The following GPR176 variants were observed in gnomAD, a reference collection of about 807,000 sequenced individuals.
GPR176 encodes G-protein coupled receptor 176.
In GPR176, 26 loss-of-function variants were observed where a neutral mutation model predicts 35.4. That is an observed-to-expected ratio of 0.74 (90% CI 0.54 to 1.02). The LOEUF is 1.02. GPR176 is among the 50% of genes least tolerant of loss of function. The probability of loss-of-function intolerance (pLI) is 0.00; values close to 1 mark genes in which losing one functional copy is unlikely to be tolerated. For missense variants in GPR176, 597 were observed against 665.3 expected, an observed-to-expected ratio of 0.90 and a Z score of 1.13; for synonymous variants, 278 against 271.3, an observed-to-expected ratio of 1.02 and a Z score of -0.24.
chr15:39,840,128 C>CT (rs559454951), intron 1 of GPR176, among the ~76,000 whole-genome samples: 167 of 152,288 alleles, frequency 1.1e-3, no homozygotes, highest in African/African-American at 4.0e-3. Flanking sequence ...AATCCCATGA[C>CT]TGGGTATATA....
intron 1 of GPR176, among the ~76,000 whole-genome samples, chr15:39,854,518 C>T (rs140562425): frequency 6.6e-6 from 1 of 152,308 alleles, no homozygotes; most frequent in African/African-American, 2.4e-5. Context: ...TTTGTGCTCA[C>T]TCTATCTTGT....
intron 1 of GPR176, among the ~76,000 whole-genome samples, chr15:39,852,183 A>G (rs2030920091): frequency 6.6e-6 from 1 of 152,176 alleles, no homozygotes; most frequent in Non-Finnish European, 1.5e-5. Context: ...GGAAAAAATC[A>G]TGAAGGCAGT....
At chr15:39,818,622 T>C (rs917250565) in intron 1 of GPR176, among the ~76,000 whole-genome samples, 2 of 152,214 alleles carry the variant, frequency 1.3e-5, no homozygotes, top group African/African-American at 4.8e-5. Flanking sequence ...GCATATCTTT[T>C]AGCAATAATG....
intron 1 of GPR176, among the ~76,000 whole-genome samples, chr15:39,879,665 CAA>C (rs886352420): frequency 6.6e-6 from 1 of 152,136 alleles, no homozygotes; most frequent in African/African-American, 2.4e-5. Flanking sequence ...TGGCCTTAAC[CAA>C]AACCCAAGGG....
chr15:39,913,037 C>G (rs1368006455), intron 1 of GPR176, among the ~76,000 whole-genome samples: 1 of 151,848 alleles, frequency 6.6e-6, no homozygotes, highest in Non-Finnish European at 1.5e-5. Flanking sequence ...TCATAATTGC[C>G]AAAAAGTAGA....
At chr15:39,908,905 T>C (rs1346800783) in intron 1 of GPR176, among the ~76,000 whole-genome samples, 1 of 152,204 alleles carries the variant, frequency 6.6e-6, no homozygotes, top group Admixed American at 6.5e-5. Context: ...CAGTAAAGCC[T>C]GAATCATGTG....
In GPR176 at chr15:39,919,959, G is replaced by A. The variant is rs182145795; in HGVS notation, c.68C>T (p.Ala23Val). Reference sequence around the variant, plus strand: ...GAGCGCGCTGCGGTTCACACCCGCAGCCTCGGCGCCGGACGCGTTGTGCGG... The same window carrying A: ...GAGCGCGCTGCGGTTCACACCCGCAACCTCGGCGCCGGACGCGTTGTGCGG... ...SEPHNASGAE[A>V]AGVNRSALGE... The change falls in exon 1 of 3, where the codon GCT (alanine) becomes GTT (valine). Residue 23 changes from alanine (A) to valine (V), a missense_variant. By Grantham distance (64) the Ala-to-Val change is moderately conservative. Transcript: ENST00000561100. 4.4e-5 allele frequency: 65 copies of A among 1,488,028 alleles called. No homozygotes were observed. In the African/African-American group the frequency reaches 7.1e-4, roughly 16 times the overall value. The allele number at this position is 1,488,028 out of a possible 1,614,324, so 92.2% of individuals were successfully genotyped here.
intron 1 of GPR176, among the ~76,000 whole-genome samples, chr15:39,912,849 C>T (rs925915620): frequency 2.6e-5 from 4 of 152,046 alleles, no homozygotes; most frequent in African/African-American, 9.7e-5. Context: ...CAAAATGTCA[C>T]CAAATAAAAC....
chr15:39,812,638 T>C (rs749201842), intron 1 of GPR176, among the ~76,000 whole-genome samples: 7 of 152,176 alleles, frequency 4.6e-5, no homozygotes, highest in Non-Finnish European at 1.0e-4. Flanking sequence ...GTGAGTCAAT[T>C]CTTCTAATAA....
intron 1 of GPR176, among the ~76,000 whole-genome samples, chr15:39,859,229 A>G (rs2031435955): frequency 6.6e-6 from 1 of 152,192 alleles, no homozygotes; most frequent in Non-Finnish European, 1.5e-5. Context: ...GAACACTGAA[A>G]AAAGGTATAT....
intron 1 of GPR176, among the ~76,000 whole-genome samples, chr15:39,811,574 T>C (rs1439031288): frequency 1.3e-5 from 2 of 152,138 alleles, no homozygotes; most frequent in Non-Finnish European, 2.9e-5. Flanking sequence ...AAATCCAAAA[T>C]CCAAAATGCT....
chr15:39,916,742 A>G (rs1446843297), intron 1 of GPR176, among the ~76,000 whole-genome samples: 1 of 152,230 alleles, frequency 6.6e-6, no homozygotes, highest in Non-Finnish European at 1.5e-5. Flanking sequence ...TATTTTTTCC[A>G]GGTACTATTC....
intron 1 of GPR176, among the ~76,000 whole-genome samples, chr15:39,852,934 G>C (rs891721532): frequency 2.6e-5 from 4 of 152,144 alleles, no homozygotes; most frequent in Non-Finnish European, 5.9e-5. Flanking sequence ...GTGAGGATGT[G>C]AAGAAATTGG....
intron 1 of GPR176, among the ~76,000 whole-genome samples, chr15:39,876,137 C>T (rs765588813): frequency 1.3e-5 from 2 of 151,460 alleles, no homozygotes; most frequent in Non-Finnish European, 2.9e-5. Context: ...GGTGATCCAG[C>T]CTGGGTGACA....
intron 1 of GPR176, among the ~76,000 whole-genome samples, chr15:39,836,587 TG>T (rs1477131621): frequency 1.5e-4 from 23 of 152,144 alleles, no homozygotes; most frequent in Non-Finnish European, 2.5e-4. Flanking sequence ...GCAACATAAA[TG>T]GACCAACACA....
intron 1 of GPR176, among the ~76,000 whole-genome samples, chr15:39,811,877 T>C (rs148695096): frequency 0.039 from 5,847 of 151,448 alleles, 314 homozygotes; most frequent in African/African-American, 0.12. Context: ...GATTGCGCCA[T>C]TGCACTCCAG....
At chr15:39,918,683 A>ACC (rs1039959701) in intron 1 of GPR176, among the ~76,000 whole-genome samples, 1 of 151,856 alleles carries the variant, frequency 6.6e-6, no homozygotes, top group African/African-American at 2.4e-5. Flanking sequence ...ACACACACAC[A>ACC]CCCCTAGATA....
At chr15:39,810,079 A>G (rs1485326711) in intron 1 of GPR176, among the ~76,000 whole-genome samples, 1 of 150,466 alleles carries the variant, frequency 6.6e-6, no homozygotes, top group African/African-American at 2.4e-5. Context: ...CAGGAGGCGG[A>G]GCTTGCAGTG....
intron 1 of GPR176, among the ~76,000 whole-genome samples, chr15:39,876,018 G>T (rs983965956): frequency 1.3e-5 from 2 of 150,518 alleles, no homozygotes; most frequent in Non-Finnish European, 3.0e-5. Flanking sequence ...GGGTGTGGTG[G>T]TACACACCTG....
Sources: allele counts gnomAD v4.1 joint callset (sites outside exome capture counted in the v4.1 genomes callset), GRCh38; gene constraint gnomAD v4.1.1; transcripts MANE v1.5; gene names NCBI Gene and HGNC (gene_info 2026-07-23, HGNC 2026-07-21).